Variants in CFAP58 observed in about 807,000 individuals in gnomAD.
CFAP58 encodes cilia- and flagella-associated protein 58.
In CFAP58, 88 loss-of-function variants were observed where a neutral mutation model predicts 119.5. The observed-to-expected ratio is 0.74, with a 90% CI of 0.62 to 0.88. CFAP58 has a LOEUF of 0.88. Ranked by LOEUF, CFAP58 falls within the 40% of genes least tolerant of loss-of-function variation. The pLI, the probability that CFAP58 is intolerant of heterozygous loss-of-function variation, is 0.00. For synonymous variants in CFAP58, 365 were observed against 366.3 expected, an observed-to-expected ratio of 1.00 and a Z score of 0.04; for missense variants, 990 against 1,021.2, an observed-to-expected ratio of 0.97 and a Z score of 0.42.
the CFAP58 span, among the ~76,000 whole-genome samples, chr10:104,341,889 T>C: frequency 6.6e-5 from 10 of 152,288 alleles, no homozygotes; most frequent in Admixed American, 6.5e-4. Flanking sequence ...GTGTTATGCT[T>C]AATGGGGAAA....
In CFAP58 at chr10:104,454,600, C is replaced by CA; in HGVS notation, c.*73dup. Reference sequence around the variant, plus strand: ...GCTCTGGGACATTTTGGGGGAATCTCAAAGTCCTTGGATCATAGAACTGAG... The same window carrying CA: ...GCTCTGGGACATTTTGGGGGAATCTCAAAAGTCCTTGGATCATAGAACTGAG... On this transcript the variant is annotated 3_prime_UTR_variant, in exon 18 of 18. Coordinates refer to ENST00000369704, the MANE Select transcript of CFAP58 (RefSeq NM_001008723.2). 2.6e-6 allele frequency: 3 copies of CA among 1,151,830 alleles called. No individual in the cohort carries two copies. The highest frequency in any genetic ancestry group is 3.9e-6 in the Non-Finnish European group (3 of 762,964). 71.4% of individuals were successfully genotyped at this position (1,151,830 alleles called of 1,614,324 possible). A position where few individuals can be genotyped will look rare whatever the true frequency, so the allele number is the denominator to read the frequency against.
At chr10:104,344,044 G>A in the CFAP58 span, among the ~76,000 whole-genome samples, 1 of 152,118 alleles carries the variant, frequency 6.6e-6, no homozygotes, top group African/African-American at 2.4e-5. Flanking sequence ...TGCTTGGCTA[G>A]AAAATATTTC....
intron 7 of CFAP58, among the ~76,000 whole-genome samples, chr10:104,372,624 A>G (rs553027502): frequency 1.5e-3 from 231 of 152,316 alleles, no homozygotes; most frequent in Admixed American, 4.0e-3. Context: ...TGAGTTTTCA[A>G]TCTAACACTT....
intron 15 of CFAP58, among the ~76,000 whole-genome samples, chr10:104,426,186 C>T (rs1228003146): frequency 6.6e-6 from 1 of 152,142 alleles, no homozygotes; most frequent in African/African-American, 2.4e-5. Flanking sequence ...CTGCAGTGAG[C>T]TGTGATGGTT....
chr10:104,352,804 A>G (rs1368771684), upstream of CFAP58, among the ~76,000 whole-genome samples: 1 of 152,252 alleles, frequency 6.6e-6, no homozygotes, highest in South Asian at 2.1e-4. Context: ...GCTGTGCAGT[A>G]CTCAGAAGCA....
chr10:104,349,256 C>A (rs574331804), upstream of CFAP58, among the ~76,000 whole-genome samples: 189 of 151,764 alleles, frequency 1.2e-3, no homozygotes, highest in African/African-American at 4.2e-3. Context: ...TCAAACGCCT[C>A]CACACCAAAA....
chr10:104,353,771 G>A, upstream of CFAP58: 1 of 1,158,996 alleles, frequency 8.6e-7, no homozygotes, highest in South Asian at 1.4e-5. Context: ...GACGCGCCGA[G>A]CGCGGGTTTC....
At chr10:104,406,591 G>A in intron 14 of CFAP58, 98 bp from the exon 15 acceptor site, 1 of 916,158 alleles carries the variant, frequency 1.1e-6, no homozygotes, top group Non-Finnish European at 1.7e-6. Context: ...CTGCAGGTTT[G>A]CAACAGATTT....
intron 11 of CFAP58, among the ~76,000 whole-genome samples, chr10:104,395,391 GTCA>G (rs1166803757): frequency 6.6e-6 from 1 of 152,168 alleles, no homozygotes; most frequent in East Asian, 1.9e-4. Context: ...ATGGCTTTAG[GTCA>G]TCGATTATAG....
At chr10:104,376,939 C>A in intron 8 of CFAP58, 46 bp downstream of exon 8, 1 of 1,450,588 alleles carries the variant, frequency 6.9e-7, no homozygotes, top group Non-Finnish European at 9.7e-7. Context: ...CTTTCTTCAG[C>A]ACTGTAATAT....
chr10:104,397,512 A>G (rs1285644765), intron 11 of CFAP58, among the ~76,000 whole-genome samples: 1 of 152,192 alleles, frequency 6.6e-6, no homozygotes, highest in Admixed American at 6.5e-5. Context: ...TTTGGTTTTC[A>G]TGGGGCAGAG....
intron 17 of CFAP58, among the ~76,000 whole-genome samples, chr10:104,453,779 T>C (rs2013232915): frequency 6.6e-6 from 1 of 151,576 alleles, no homozygotes; most frequent in Admixed American, 6.6e-5. Flanking sequence ...TGTGTGTGTG[T>C]GTGTGTGTGT....
chr10:104,381,993 G>T (rs2011819459), intron 9 of CFAP58: 2 of 650,896 alleles, frequency 3.1e-6, no homozygotes, highest in Non-Finnish European at 2.9e-6. Context: ...GTTAGCTTCT[G>T]TATTCATCAG....
intron 9 of CFAP58, among the ~76,000 whole-genome samples, chr10:104,387,626 A>T (rs1216437963): frequency 2.0e-5 from 3 of 152,196 alleles, no homozygotes; most frequent in Non-Finnish European, 4.4e-5. Flanking sequence ...TTCACTATTC[A>T]GATAAATTGA....
intron 9 of CFAP58, among the ~76,000 whole-genome samples, chr10:104,388,183 A>G (rs2011962777): frequency 6.6e-6 from 1 of 152,216 alleles, no homozygotes; most frequent in Non-Finnish European, 1.5e-5. Flanking sequence ...AGCATGCTTC[A>G]TATCATTACT....
the CFAP58 span, among the ~76,000 whole-genome samples, chr10:104,338,844 T>C: frequency 6.6e-6 from 1 of 152,072 alleles, no homozygotes; most frequent in African/African-American, 2.4e-5. Flanking sequence ...AAAATATAAC[T>C]CTAGACAAAA....
At chr10:104,405,153 C>T (rs1200644084) in intron 14 of CFAP58, among the ~76,000 whole-genome samples, 1 of 152,166 alleles carries the variant, frequency 6.6e-6, no homozygotes, top group Non-Finnish European at 1.5e-5. Flanking sequence ...TAACAGCGTC[C>T]AACCCTGCCG....
At chr10:104,425,055 G>A (rs1181061142) in intron 15 of CFAP58, among the ~76,000 whole-genome samples, 2 of 152,294 alleles carry the variant, frequency 1.3e-5, no homozygotes, top group Admixed American at 6.5e-5. Flanking sequence ...GGCAGTGAGA[G>A]GAACAGCACC....
Position 104,430,164 on chromosome 10 carries a change from C to T in CFAP58, c.2257-17534C>T, listed in dbSNP as rs1051977188. On this transcript the variant is annotated intron_variant, in intron 15 of 17. Transcript: ENST00000369704. ...TATCCCCTTCACAATAGTTAAAAGA[C>T]ACGAATGATGTACTTAAGTTAGCCT... is the stretch of plus-strand genomic sequence containing the variant. Among the ~76,000 whole-genome samples the T allele has an allele frequency of 3.3e-5, 5 of 152,176 alleles. No individual in the cohort carries two copies. The East Asian group carries it at 9.6e-4, about 29-fold the overall frequency.
Sources: gnomAD v4.1 joint callset for allele counts (sites outside exome capture counted in the v4.1 genomes callset) on GRCh38, gnomAD v4.1.1 for gene constraint, MANE v1.5 for transcripts, NCBI Gene and HGNC (gene_info 2026-07-23, HGNC 2026-07-21) for gene names.